The following VAT1L variants were observed in gnomAD, a reference collection of about 807,000 sequenced individuals.
VAT1L encodes putative NADPH-dependent quinone oxidoreductase VAT1L.
In VAT1L, 34 loss-of-function variants were observed where a neutral mutation model predicts 44.1. The observed-to-expected ratio is 0.77, with a 90% confidence interval of 0.59 to 1.03. VAT1L has a LOEUF of 1.03. Ranked by LOEUF, VAT1L falls within the 50% of genes least tolerant of loss-of-function variation. The probability of loss-of-function intolerance (pLI) is 0.00; values close to 1 mark genes in which losing one functional copy is unlikely to be tolerated. For missense variants in VAT1L, 615 were observed against 538.8 expected (o/e 1.14, Z -1.40); for synonymous variants, 253 against 202.2 (o/e 1.25, Z -2.13).
chr16:77,819,770 C>T (rs2016420243), intron 2 of VAT1L, among the ~76,000 whole-genome samples: 1 of 152,228 alleles, frequency 6.6e-6, no homozygotes, highest in Non-Finnish European at 1.5e-5. Context: ...GCCTCTCTTA[C>T]CCCAGTTTCC....
intron 5 of VAT1L, among the ~76,000 whole-genome samples, 169 bp downstream of exon 5, chr16:77,876,642 T>C (rs1003908043): frequency 1.3e-5 from 2 of 152,240 alleles, no homozygotes; most frequent in African/African-American, 4.8e-5. Context: ...TTATTTTCAA[T>C]TTTAAAATAA....
In VAT1L at chr16:77,789,924, G is replaced by A. The variant is rs554994569; in HGVS notation, c.233+1009G>A. 5.3e-5 allele frequency among the ~76,000 whole-genome samples: 8 copies of A among 152,250 alleles called. No homozygotes were observed. In the South Asian group the frequency reaches 1.5e-3, roughly 28 times the overall value. On this transcript the variant is annotated intron_variant, in intron 1 of 8. Coordinates refer to ENST00000302536, the MANE Select transcript of VAT1L (RefSeq NM_020927.3). ...AGAGGCGGACTGGACCCAACACTAG[G>A]TTTGCATGTTAAACTTGTAAGGGGA...
chr16:77,951,430 C>A (rs1346979167), intron 7 of VAT1L, among the ~76,000 whole-genome samples: 1 of 152,136 alleles, frequency 6.6e-6, no homozygotes, highest in Admixed American at 6.5e-5. Flanking sequence ...CCTGTAATCC[C>A]AGCTACTCGG....
intron 7 of VAT1L, among the ~76,000 whole-genome samples, chr16:77,904,277 C>G (rs1052495401): frequency 6.6e-6 from 1 of 150,682 alleles, no homozygotes; most frequent in African/African-American, 2.4e-5. Flanking sequence ...TTTTTTACAA[C>G]AGCTTTTAAT....
At chr16:77,856,119 G>A (rs542935801) in intron 3 of VAT1L, among the ~76,000 whole-genome samples, 34 of 152,268 alleles carry the variant, frequency 2.2e-4, no homozygotes, top group African/African-American at 7.9e-4. Flanking sequence ...GAATAAACCG[G>A]GAGAAAAGAC....
At chr16:77,892,494 T>C in intron 7 of VAT1L, 1 of 545,600 alleles carries the variant, frequency 1.8e-6, no homozygotes, top group South Asian at 1.4e-5. Context: ...TTTGAGCTGT[T>C]TGCAGACAAG....
intron 3 of VAT1L, among the ~76,000 whole-genome samples, chr16:77,840,336 CT>C (rs1268834870): frequency 1.3e-5 from 2 of 152,164 alleles, no homozygotes; most frequent in African/African-American, 4.8e-5. Context: ...ATTTCGAAAT[CT>C]TTCAAAACCA....
At chr16:77,920,878 CT>C (rs2017604132) in intron 7 of VAT1L, among the ~76,000 whole-genome samples, 1 of 152,114 alleles carries the variant, frequency 6.6e-6, no homozygotes, top group South Asian at 2.1e-4. Context: ...ACAAAACCCC[CT>C]AACCATGCAT....
At chr16:77,972,368 G>A (rs1055081145) in intron 8 of VAT1L, among the ~76,000 whole-genome samples, 1 of 152,056 alleles carries the variant, frequency 6.6e-6, no homozygotes, top group African/African-American at 2.4e-5. Context: ...ACCCAGGCTG[G>A]AGTGCAGTAG....
At position 77,978,659 on chromosome 16, in the gene VAT1L, G is replaced by GC. The variant is rs2018366671; in HGVS notation, c.*965dup. 6.6e-6 allele frequency: 1 copy of GC among 152,208 alleles called. No individual in the cohort carries two copies. 9.4% of individuals were successfully genotyped at this position (152,208 alleles called of 1,614,324 possible). A position where few individuals can be genotyped will look rare whatever the true frequency, so the allele number is the denominator to read the frequency against. ...AATGAGCATCTCCTTCCTTGCCAAA[G>GC]CATGTCCCAACATGTAACAAACTCT... On this transcript the variant is annotated 3_prime_UTR_variant, in exon 9 of 9. Transcript: ENST00000302536.
intron 4 of VAT1L, among the ~76,000 whole-genome samples, chr16:77,875,879 C>T (rs570058711): frequency 6.6e-6 from 1 of 152,290 alleles, no homozygotes; most frequent in South Asian, 2.1e-4. Context: ...GAAGCAGCCC[C>T]ATGAAGACAG....
intron 3 of VAT1L, among the ~76,000 whole-genome samples, chr16:77,839,393 G>A (rs2016678055): frequency 6.6e-6 from 1 of 151,818 alleles, no homozygotes; most frequent in African/African-American, 2.4e-5. Flanking sequence ...AAAATCAGCT[G>A]GGCGTGGTGG....
In VAT1L at chr16:77,788,615, G is replaced by GC; in HGVS notation, c.-64dup. 2 of 1,516,796 alleles carry GC rather than the reference G, an allele frequency of 1.3e-6. No individual in the cohort carries two copies. Among genetic ancestry groups the GC allele is most frequent in the East Asian group, 2.5e-5 (1 of 40,442 alleles). The allele number at this position is 1,516,796 out of a possible 1,614,324, so 94.0% of individuals were successfully genotyped here. A position where few individuals can be genotyped will look rare whatever the true frequency, so the allele number is the denominator to read the frequency against. On this transcript the variant is annotated 5_prime_UTR_variant, in exon 1 of 9. Coordinates refer to ENST00000302536, the MANE Select transcript of VAT1L (RefSeq NM_020927.3). Reference sequence around the variant, plus strand: ...AACAGGAGGAACCCGCGGGAGAGGAGCCCCACTCCCCCAGCGCCGCAGCCA... The same window carrying GC: ...AACAGGAGGAACCCGCGGGAGAGGAGCCCCCACTCCCCCAGCGCCGCAGCCA...
At chr16:77,945,509 C>T (rs1309975993) in intron 7 of VAT1L, among the ~76,000 whole-genome samples, 5 of 151,844 alleles carry the variant, frequency 3.3e-5, no homozygotes, top group Non-Finnish European at 2.9e-5. Flanking sequence ...AAGCTGGTCT[C>T]GAATTCCTGG....
rs1002018805 is a variant in VAT1L, at chr16:77,834,441, A to C, written c.579+8980A>C. Among the ~76,000 whole-genome samples, 4 of 152,144 alleles carry C rather than the reference A, an allele frequency of 2.6e-5. No homozygotes were observed. The East Asian group carries it at 7.7e-4, about 29-fold the overall frequency. The stretch of plus-strand genomic sequence containing the variant: ...CCATGCATCTGAGTTTGGACCAACG[A>C]AACATGGACAGAGGTATGCGATGCA... On this transcript the variant is annotated intron_variant, in intron 3 of 8. Coordinates refer to ENST00000302536, the MANE Select transcript of VAT1L (RefSeq NM_020927.3).
At chr16:77,926,170 G>A (rs371778659) in intron 7 of VAT1L, among the ~76,000 whole-genome samples, 3 of 148,858 alleles carry the variant, frequency 2.0e-5, no homozygotes, top group Non-Finnish European at 4.5e-5. Context: ...GGAGAGTGGC[G>A]TGAACCCGGG....
At chr16:77,874,629 T>C (rs1315766159) in intron 4 of VAT1L, among the ~76,000 whole-genome samples, 1 of 152,056 alleles carries the variant, frequency 6.6e-6, no homozygotes, top group African/African-American at 2.4e-5. Flanking sequence ...GATGCCTCTC[T>C]GATAGCCCTG....
intron 7 of VAT1L, chr16:77,892,447 G>A: frequency 2.0e-6 from 1 of 492,032 alleles, no homozygotes. Context: ...CTATGTTGGG[G>A]TTGACAGTGC....
At chr16:77,848,069 G>C (rs868339907) in intron 3 of VAT1L, among the ~76,000 whole-genome samples, 2 of 152,156 alleles carry the variant, frequency 1.3e-5, no homozygotes, top group African/African-American at 4.8e-5. Context: ...GTGCAGGAAC[G>C]TTGTGGAAAT....
Sources: allele counts gnomAD v4.1 joint callset (sites outside exome capture counted in the v4.1 genomes callset), GRCh38; gene constraint gnomAD v4.1.1; transcripts MANE v1.5; gene names NCBI Gene and HGNC (gene_info 2026-07-23, HGNC 2026-07-21).